PTPRN: variants seen among roughly 807,000 people sequenced by gnomAD.
PTPRN encodes the protein protein tyrosine phosphatase receptor type N.
In PTPRN, 70 loss-of-function variants were observed where a neutral mutation model predicts 108.5. The ratio of observed to expected loss-of-function variants is 0.65; its 90% confidence interval spans 0.53 to 0.79. The LOEUF is 0.79. Among genes scored for constraint, PTPRN ranks in the 30% least tolerant of loss-of-function variants. The pLI is 0.00. For missense variants in PTPRN, 1,136 were observed against 1,295.5 expected (o/e 0.88, Z 1.89); for synonymous variants, 496 against 524.6 (o/e 0.95, Z 0.75).
chr2:219,293,842 G>A (rs1372030502), intron 19 of PTPRN, among the ~76,000 whole-genome samples: 4 of 152,194 alleles, frequency 2.6e-5, no homozygotes, highest in African/African-American at 9.7e-5. Context: ...GTGTGGGTGG[G>A]CCCCTGCCCT....
chr2:219,294,764 C>T (rs1348736837), intron 19 of PTPRN, among the ~76,000 whole-genome samples: 2 of 152,096 alleles, frequency 1.3e-5, no homozygotes, highest in Admixed American at 1.3e-4. Flanking sequence ...CGGCGCGGAG[C>T]TGGCCCACGC....
At chr2:219,300,517 G>A in intron 8 of PTPRN, 1 of 484,650 alleles carries the variant, frequency 2.1e-6, no homozygotes, top group Non-Finnish European at 3.6e-6. Flanking sequence ...AACCCCTGCA[G>A]CAAGAGAAGC....
Position 219,296,287 on chromosome 2 carries a change from C to T in PTPRN, c.2447G>A (p.Gly816Asp). 1 of 1,614,166 alleles carries T rather than the reference C, an allele frequency of 6.2e-7. No homozygotes were observed. The highest frequency in any genetic ancestry group is 8.5e-7 in the Non-Finnish European group (1 of 1,180,036). ...IVMLTPLVED[G>D]VKQCDRYWPD... The stretch of plus-strand genomic sequence containing the variant: ...CCAGTAGCGGTCACACTGCTTGACA[C>T]CATCCTCCACCAGCGGGGTCAGCAT... Residue 816 changes from glycine to aspartate, a missense_variant, in exon 18 of 23, where the codon GGT becomes GAT. Transcript: ENST00000295718. The surrounding 1 kb of genome is among the most constrained non-coding windows in gnomAD (Gnocchi z 6.0).
chr2:219,290,474 G>A lies in PTPRN; in HGVS notation c.2868+64C>T, dbSNP rs1227620515. The A allele has an allele frequency of 6.7e-7, 1 of 1,483,640 alleles. No individual in the cohort carries two copies. The highest frequency in any genetic ancestry group is 9.2e-7 in the Non-Finnish European group (1 of 1,087,324). 91.9% of individuals were successfully genotyped at this position (1,483,640 alleles called of 1,614,324 possible). A position where few individuals can be genotyped will look rare whatever the true frequency, so the allele number is the denominator to read the frequency against. ...GTTGGCAGCTGCTGCTTTCCCTGGG[G>A]TGGCCAAGAAGTGGGTGCTAGGGAA... is the stretch of plus-strand genomic sequence containing the variant. On this transcript the variant is annotated intron_variant, in intron 22 of 22. Coordinates refer to ENST00000295718, the MANE Select transcript of PTPRN (RefSeq NM_002846.4). This position sits in a 1 kb window ranked among gnomAD's most constrained non-coding sequence, Gnocchi z 4.2.
rs746780508 is a variant in PTPRN, at chr2:219,290,938, G to C, written c.2730-48C>G. ...GTTTAGCTTGAGATGCAGCAGAAAG[G>C]GGGAGGGACGGAGGAGGCGAGGAGG... is the stretch of plus-strand genomic sequence containing the variant. On this transcript the variant is annotated intron_variant, in intron 20 of 22. Coordinates refer to ENST00000295718, the MANE Select transcript of PTPRN (RefSeq NM_002846.4). This position sits in a 1 kb window ranked among gnomAD's most constrained non-coding sequence, Gnocchi z 4.2. The C allele has an allele frequency of 4.4e-6, 7 of 1,582,612 alleles. No homozygotes were observed. Among genetic ancestry groups the C allele is most frequent in the South Asian group, 2.2e-5 (2 of 90,388 alleles).
At chr2:219,294,426 T>G (rs903916454) in intron 19 of PTPRN, among the ~76,000 whole-genome samples, 12 of 122,746 alleles carry the variant, frequency 9.8e-5, no homozygotes, top group South Asian at 5.4e-4. Context: ...GAGAGAGAGA[T>G]GGGGAGAGAG....
At chr2:219,300,667 C>T (rs954231596) in intron 8 of PTPRN, among the ~76,000 whole-genome samples, 3 of 152,292 alleles carry the variant, frequency 2.0e-5, no homozygotes, top group South Asian at 2.1e-4. Context: ...GCTCTCTGCT[C>T]GAAACTTCCC....
At chr2:219,299,886 CCT>C in intron 9 of PTPRN, 97 bp downstream of exon 9, 1 of 1,568,216 alleles carries the variant, frequency 6.4e-7, no homozygotes, top group Non-Finnish European at 8.7e-7. Context: ...CTGCCAATTC[CCT>C]GTCCCTGCAC....
At position 219,299,109 on chromosome 2, in the gene PTPRN, G is replaced by A; in HGVS notation, c.1606C>T (p.Leu536=). 1 of 1,614,272 alleles carries A rather than the reference G, an allele frequency of 6.2e-7. No homozygotes were observed. The highest frequency in any genetic ancestry group is 8.5e-7 in the Non-Finnish European group (1 of 1,180,042). Residue 536 remains leucine, a splice_region_variant and synonymous_variant, in exon 12 of 23, where the codon CTG becomes TTG. Transcript: ENST00000295718. ...SLADVTQQAG[L]VKSELEAQTG... ...TGTGCTTCCAGTTCAGACTTCACCA[G>A]CCCTGCAGGGAGGACAAAGGTCAGG...
Position 219,301,529 on chromosome 2 carries a change from G to A in PTPRN, c.1126+59C>T. 5 of 1,566,304 alleles carry A rather than the reference G, an allele frequency of 3.2e-6. No individual in the cohort carries two copies. The Middle Eastern group carries it at 5.2e-4, about 163-fold the overall frequency. ...GCTACTCCAAGTGGTCTCGAGGCAG[G>A]GCAAGAGGCCTCCATGGAGCCGGGA... is the stretch of plus-strand genomic sequence containing the variant. On this transcript the variant is annotated intron_variant, in intron 7 of 22. Coordinates refer to ENST00000295718, the MANE Select transcript of PTPRN (RefSeq NM_002846.4).
intron 2 of PTPRN, 31 bp from the exon 3 acceptor site, chr2:219,307,588 G>C (rs769841092): frequency 1.9e-6 from 3 of 1,593,882 alleles, no homozygotes; most frequent in South Asian, 1.1e-5. Context: ...TCAGCAGGGG[G>C]CTTGAATAAG....
chr2:219,298,307 A>G (rs1188599672), intron 12 of PTPRN, among the ~76,000 whole-genome samples: 1 of 152,248 alleles, frequency 6.6e-6, no homozygotes, highest in Non-Finnish European at 1.5e-5. Context: ...GTGCAGTGCC[A>G]GAGGCCCCCA....
intron 19 of PTPRN, 53 bp downstream of exon 19, chr2:219,294,922 C>G (rs1166415708): frequency 3.3e-5 from 46 of 1,394,204 alleles, no homozygotes; most frequent in Non-Finnish European, 4.1e-5. Context: ...CGGGCGGACC[C>G]CGGCTCCGCC....
chr2:219,290,541 A>G lies in PTPRN; in HGVS notation c.2865T>C (p.Ser955=). The part of the protein sequence containing the change: ...VRDQRPGLVR[S]KDQFEFALTA... ...TGGGGCAGGAAGGCATGGTCACCTT[A>G]GAGCGGACAAGGCCAGGCCGCTGGT... Residue 955 remains serine, a synonymous_variant, in exon 22 of 23, where the codon TCT becomes TCC. Coordinates refer to ENST00000295718, the MANE Select transcript of PTPRN (RefSeq NM_002846.4). This position sits in a 1 kb window ranked among gnomAD's most constrained non-coding sequence, Gnocchi z 4.2. The G allele has an allele frequency of 6.4e-7, 1 of 1,551,580 alleles. No homozygotes were observed. Among genetic ancestry groups the G allele is most frequent in the Admixed American group, 2.0e-5 (1 of 51,008 alleles).
intron 1 of PTPRN, chr2:219,308,836 T>A (rs2125099844): frequency 7.6e-7 from 1 of 1,311,694 alleles, no homozygotes; most frequent in East Asian, 5.3e-5. Context: ...CGTTCCCTCA[T>A]TCTCCCCGCC....
At position 219,307,467 on chromosome 2, in the gene PTPRN, A is replaced by G; in HGVS notation, c.257T>C (p.Val86Ala). The change falls in exon 3 of 23, where the codon GTG (valine) becomes GCG (alanine). Residue 86 changes from valine to alanine, a missense_variant. By Grantham distance (64) the Val-to-Ala change is moderately conservative (BLOSUM62 0). Coordinates refer to ENST00000295718, the MANE Select transcript of PTPRN (RefSeq NM_002846.4). Reference protein sequence around the residue: ...TSPVLQRLQGVLRQLMSQGLS... With the variant: ...TSPVLQRLQGALRQLMSQGLS... ...ACCTTGGGACATGAGTTGTCGGAGC[A>G]CACCTTGTAAGCGTTGGAGAACTGG... 1 of 1,614,148 alleles carries G rather than the reference A, an allele frequency of 6.2e-7. No homozygotes were observed. Among genetic ancestry groups the G allele is most frequent in the Non-Finnish European group, 8.5e-7 (1 of 1,180,026 alleles).
In PTPRN at chr2:219,302,288, C is replaced by G. The variant is rs749881869; in HGVS notation, c.843G>C (p.Leu281=). 6.2e-7 allele frequency: 1 copy of G among 1,614,134 alleles called. No individual in the cohort carries two copies. Among genetic ancestry groups the G allele is most frequent in the East Asian group, 2.2e-5 (1 of 44,878 alleles). ...TGCTGGGTGCTGGCAACTCCTGGGC[C>G]AGATAGAGCAGCCCAGAGTCTTGAA... The part of the protein sequence containing the change: ...QLFQDSGLLY[L]AQELPAPSRA... The change falls in exon 6 of 23, where the codon CTG becomes CTC. Residue 281 remains leucine, a synonymous_variant. Coordinates refer to ENST00000295718, the MANE Select transcript of PTPRN (RefSeq NM_002846.4).
chr2:219,296,002 AC>A lies in PTPRN; in HGVS notation c.2508+223del. On this transcript the variant is annotated intron_variant, in intron 18 of 22. Transcript: ENST00000295718. The surrounding 1 kb of genome is among the most constrained non-coding windows in gnomAD (Gnocchi z 6.0). ...CACACACACACACACACACACACAC[AC>A]ATGTATGTTCTGTAAACAGGACACA... is the stretch of plus-strand genomic sequence containing the variant. The A allele has an allele frequency of 3.4e-6, 2 of 586,966 alleles. No individual in the cohort carries two copies. The highest frequency in any genetic ancestry group is 3.2e-5 in the Admixed American group (1 of 31,476). The allele number at this position is 586,966 out of a possible 1,614,324, so 36.4% of individuals were successfully genotyped here.
In PTPRN at chr2:219,302,473, A is replaced by T. The variant is rs761699546; in HGVS notation, c.658T>A (p.Ser220Thr). 1 of 1,613,938 alleles carries T rather than the reference A, an allele frequency of 6.2e-7. No homozygotes were observed. Among genetic ancestry groups the T allele is most frequent in the South Asian group, 1.1e-5 (1 of 91,074 alleles). Residue 220 changes from serine (S) to threonine (T), a missense_variant, in exon 6 of 23, where the codon TCC becomes ACC. Transcript: ENST00000295718. ...LFHQFGSRDG[S>T]RVSEGSPGMV... ...CCTGGGGAGCCCTCTGAGACCCTGG[A>T]GCCATCACGGGAGCCAAACTGTGGA... is the stretch of plus-strand genomic sequence containing the variant.
Sources: gnomAD v4.1 joint callset for allele counts (sites outside exome capture counted in the v4.1 genomes callset) on GRCh38, gnomAD v4.1.1 for gene constraint, Gnocchi (gnomAD v3.1) non-coding constraint, MANE v1.5 for transcripts, NCBI Gene and HGNC (gene_info 2026-07-23, HGNC 2026-07-21) for gene names.